Variants in ARHGAP32 observed in about 807,000 individuals in gnomAD.
ARHGAP32 encodes the protein Rho GTPase activating protein 32, also known as rho GTPase-activating protein 32.
In ARHGAP32, 51 loss-of-function variants were observed where a neutral mutation model predicts 186.5. The observed-to-expected ratio is 0.27, with a 90% CI of 0.22 to 0.35. The LOEUF (loss-of-function observed/expected upper bound fraction) is 0.35. Ranked by LOEUF, ARHGAP32 falls within the 10% of genes least tolerant of loss-of-function variation. The pLI is 1.00. For missense variants in ARHGAP32, 2,186 were observed against 2,623.5 expected, an observed-to-expected ratio of 0.83 and a Z score of 3.64; for synonymous variants, 950 against 964.3, an observed-to-expected ratio of 0.99 and a Z score of 0.27.
intron 1 of ARHGAP32, among the ~76,000 whole-genome samples, chr11:129,227,133 C>T (rs1030108716): frequency 1.3e-5 from 2 of 151,926 alleles, no homozygotes; most frequent in African/African-American, 2.4e-5. Context: ...GAAGGGAAGG[C>T]ACTATATGGG....
At chr11:129,111,596 T>C (rs1591624813) in intron 5 of ARHGAP32, among the ~76,000 whole-genome samples, 1 of 152,132 alleles carries the variant, frequency 6.6e-6, no homozygotes, top group East Asian at 1.9e-4. Flanking sequence ...TATGTTCCGG[T>C]TTTCTAAGTC....
intron 1 of ARHGAP32, among the ~76,000 whole-genome samples, chr11:129,275,861 G>A (rs1247188192): frequency 1.3e-5 from 2 of 152,226 alleles, no homozygotes; most frequent in Admixed American, 6.5e-5. Context: ...ATGGCCTGCA[G>A]GCTACAGTTT....
Position 128,986,641 on chromosome 11 carries a change from G to A in ARHGAP32, c.1326C>T (p.Pro442=), listed in dbSNP as rs200851944. The stretch of plus-strand genomic sequence containing the variant: ...GAACATACGGTTCTTTCGTCAGGTC[G>A]GGGACGTGCTCAGAGTCAAATTCAT... ...LRHEFDSEHV[P]DLTKEPYVQD... The change falls in exon 14 of 23, where the codon CCC becomes CCT. Residue 442 remains proline (P), a synonymous_variant. Coordinates refer to ENST00000682385, the MANE Select transcript of ARHGAP32 (RefSeq NM_001378024.1). The A allele has an allele frequency of 3.1e-5, 50 of 1,613,996 alleles. No homozygotes were observed. In the East Asian group the frequency reaches 4.0e-4, roughly 13 times the overall value.
At chr11:129,273,877 C>T (rs1403122671) in intron 1 of ARHGAP32, among the ~76,000 whole-genome samples, 2 of 152,102 alleles carry the variant, frequency 1.3e-5, no homozygotes, top group Non-Finnish European at 2.9e-5. Context: ...CAAACAGAGA[C>T]AAATTGGACA....
chr11:129,099,664 C>T (rs1941834136), intron 5 of ARHGAP32, among the ~76,000 whole-genome samples: 1 of 151,914 alleles, frequency 6.6e-6, no homozygotes, highest in East Asian at 1.9e-4. Context: ...ATAAATAAAA[C>T]AGACACTAAA....
At chr11:129,215,904 A>C (rs1314742239) in intron 1 of ARHGAP32, among the ~76,000 whole-genome samples, 2 of 152,218 alleles carry the variant, frequency 1.3e-5, no homozygotes, top group East Asian at 3.8e-4. Flanking sequence ...TTTTGAGATG[A>C]GAAGATAATC....
chr11:129,278,575 AG>A (rs1164577366), intron 1 of ARHGAP32, among the ~76,000 whole-genome samples: 2 of 152,086 alleles, frequency 1.3e-5, no homozygotes, highest in Admixed American at 6.5e-5. Flanking sequence ...CGAGGAAGCG[AG>A]GGGGAAAAAA....
chr11:129,093,097 A>G (rs1430161115), intron 6 of ARHGAP32, among the ~76,000 whole-genome samples: 2 of 152,078 alleles, frequency 1.3e-5, no homozygotes, highest in Non-Finnish European at 2.9e-5. Flanking sequence ...CACATATCCT[A>G]TTGTTACACC....
At chr11:129,174,357 G>T (rs1460331061) in intron 1 of ARHGAP32, among the ~76,000 whole-genome samples, 1 of 152,192 alleles carries the variant, frequency 6.6e-6, no homozygotes, top group African/African-American at 2.4e-5. Context: ...CGGCAGCAAG[G>T]CTCGGGGAGG....
intron 11 of ARHGAP32, among the ~76,000 whole-genome samples, chr11:129,020,755 C>T (rs1299669596): frequency 6.6e-6 from 1 of 152,044 alleles, no homozygotes. Context: ...GGGCTTCATT[C>T]CCCACTCCTA....
chr11:129,184,531 G>A (rs931549613), intron 1 of ARHGAP32, among the ~76,000 whole-genome samples: 2 of 151,854 alleles, frequency 1.3e-5, no homozygotes, highest in Non-Finnish European at 1.5e-5. Flanking sequence ...TTAGCTAAGA[G>A]AACAAGTACA....
intron 11 of ARHGAP32, among the ~76,000 whole-genome samples, chr11:129,007,164 G>A (rs1937822744): frequency 6.6e-6 from 1 of 152,088 alleles, no homozygotes; most frequent in East Asian, 1.9e-4. Context: ...TAGAAATGCT[G>A]ACCAAGAGCC....
At chr11:129,007,314 G>A (rs779157519) in intron 11 of ARHGAP32, among the ~76,000 whole-genome samples, 1 of 151,794 alleles carries the variant, frequency 6.6e-6, no homozygotes, top group Non-Finnish European at 1.5e-5. Flanking sequence ...CCACAGCTAG[G>A]AATAAGCTGG....
chr11:128,974,759 G>A lies in ARHGAP32; in HGVS notation c.2438C>T (p.Ser813Leu). ...GVASLDFDPM[S>L]FQCSPPKAES... ...GGCCTTAGGAGGACTACATTGAAATGACATTGGATCAAAATCCAGGCTGGC... is the reference window on the plus strand; with the variant it reads ...GGCCTTAGGAGGACTACATTGAAATAACATTGGATCAAAATCCAGGCTGGC... The change falls in exon 21 of 23, where the codon TCA becomes TTA. Residue 813 changes from serine to leucine, a missense_variant. Ser to Leu is a moderately radical substitution (Grantham distance 145). Transcript: ENST00000682385. The A allele has an allele frequency of 6.2e-7, 1 of 1,614,148 alleles. No homozygotes were observed. Among genetic ancestry groups the A allele is most frequent in the Non-Finnish European group, 8.5e-7 (1 of 1,180,032 alleles).
chr11:129,260,540 T>TA (rs577036255), intron 1 of ARHGAP32, among the ~76,000 whole-genome samples: 1 of 152,130 alleles, frequency 6.6e-6, no homozygotes, highest in Non-Finnish European at 1.5e-5. Context: ...AAAAAAGTCT[T>TA]AAAAAATAAG....
At chr11:129,058,087 C>T (rs1591575296) in intron 10 of ARHGAP32, among the ~76,000 whole-genome samples, 1 of 151,840 alleles carries the variant, frequency 6.6e-6, no homozygotes, top group East Asian at 1.9e-4. Context: ...GAACACAGTA[C>T]CTAACAGACC....
At chr11:129,118,466 A>G (rs1175540929) in intron 5 of ARHGAP32, among the ~76,000 whole-genome samples, 2 of 152,088 alleles carry the variant, frequency 1.3e-5, no homozygotes, top group African/African-American at 4.8e-5. Context: ...TGATAAGACC[A>G]AGATTTAATA....
rs565275100 is a variant in ARHGAP32, at chr11:129,208,928, C to A, written c.-4-44501G>T. On this transcript the variant is annotated intron_variant, in intron 1 of 6. Transcript: ENST00000525234. Reference sequence around the variant, plus strand: ...TATTCAGAATTGAATTCACTATAATCCTTCAATAACTATATAGTCTAACAT... The same window carrying A: ...TATTCAGAATTGAATTCACTATAATACTTCAATAACTATATAGTCTAACAT... 6.6e-5 allele frequency among the ~76,000 whole-genome samples: 10 copies of A among 152,150 alleles called. No homozygotes were observed. In the South Asian group the frequency reaches 2.1e-3, roughly 32 times the overall value.
intron 11 of ARHGAP32, among the ~76,000 whole-genome samples, chr11:129,008,024 CA>C (rs1209904677): frequency 6.6e-6 from 1 of 152,002 alleles, no homozygotes; most frequent in Non-Finnish European, 1.5e-5. Flanking sequence ...GGCAAAGTCC[CA>C]AAATTCCTAA....
Sources: gnomAD v4.1 joint callset for allele counts (sites outside exome capture counted in the v4.1 genomes callset) on GRCh38, gnomAD v4.1.1 for gene constraint, MANE v1.5 for transcripts, NCBI Gene and HGNC (gene_info 2026-07-23, HGNC 2026-07-21) for gene names.